Variants in PCDHGA7 observed in about 807,000 individuals in gnomAD.
The protein encoded by PCDHGA7 is protocadherin gamma subfamily A, 7, also known as protocadherin gamma-A7.
A neutral mutation model predicts 58.3 loss-of-function variants in PCDHGA7; 44 were observed. That is an observed-to-expected ratio of 0.75 (90% CI 0.59 to 0.97). The LOEUF is 0.97. Among genes scored for constraint, PCDHGA7 ranks in the 50% least tolerant of loss-of-function variants. The probability of loss-of-function intolerance (pLI) is 0.00; values close to 1 mark genes in which losing one functional copy is unlikely to be tolerated. For synonymous variants in PCDHGA7, 516 were observed against 504.2 expected (o/e 1.02, Z -0.31); for missense variants, 1,266 against 1,188.7 (o/e 1.06, Z -0.96).
chr5:141,395,126 C>T, intron 1 of PCDHGA7: 3 of 1,614,196 alleles, frequency 1.9e-6, no homozygotes, highest in Non-Finnish European at 2.5e-6. Flanking sequence ...TGATCTTTCC[C>T]CAGCCCAACT....
chr5:141,430,763 A>C, intron 1 of PCDHGA7: 1 of 1,506,248 alleles, frequency 6.6e-7, no homozygotes, highest in Non-Finnish European at 8.9e-7. Flanking sequence ...GATAAGAATG[A>C]TTCCTGCGCG....
chr5:141,462,824 A>T (rs1561993844), intron 1 of PCDHGA7, among the ~76,000 whole-genome samples: 1 of 152,158 alleles, frequency 6.6e-6, no homozygotes, highest in Non-Finnish European at 1.5e-5. Flanking sequence ...TGGACAGCAG[A>T]CATTGTAAAT....
chr5:141,400,245 C>T (rs778709619), intron 1 of PCDHGA7: 66 of 1,613,878 alleles, frequency 4.1e-5, no homozygotes, highest in African/African-American at 4.0e-5. Context: ...TGATTCTGGC[C>T]GTTGCCTTGC....
intron 1 of PCDHGA7, chr5:141,410,798 T>C: frequency 1.4e-6 from 1 of 712,186 alleles, no homozygotes; most frequent in Non-Finnish European, 2.1e-6. Flanking sequence ...CATAAGTTGC[T>C]CTATCTTTTT....
In PCDHGA7 at chr5:141,476,499, TC is replaced by T; in HGVS notation, c.2425-18307del. 1 of 1,614,110 alleles carries T rather than the reference TC, an allele frequency of 6.2e-7. No individual in the cohort carries two copies. Among genetic ancestry groups the T allele is most frequent in the Non-Finnish European group, 8.5e-7 (1 of 1,180,020 alleles). ...AGCGTGGAAGTGGTGATCCAGGACATCAACGACAACAATCCTGCTTTCCCTA... is the reference window on the plus strand; with the variant it reads ...AGCGTGGAAGTGGTGATCCAGGACATAACGACAACAATCCTGCTTTCCCTA... On this transcript the variant is annotated intron_variant, in intron 1 of 3. Transcript: ENST00000518325. The surrounding 1 kb of genome is among the most constrained non-coding windows in gnomAD (Gnocchi z 7.6).
intron 1 of PCDHGA7, chr5:141,421,424 G>A: frequency 6.2e-7 from 1 of 1,614,092 alleles, no homozygotes. Context: ...CGCGGAGTCC[G>A]CATCGTCTCC....
At chr5:141,393,307 A>C (rs1394490963) in intron 1 of PCDHGA7, 3 of 1,613,594 alleles carry the variant, frequency 1.9e-6, no homozygotes, top group South Asian at 2.2e-5. Context: ...GTGGGCGTGA[A>C]CTCCCTCCAG....
At chr5:141,461,757 G>A (rs2099022119) in intron 1 of PCDHGA7, among the ~76,000 whole-genome samples, 1 of 151,994 alleles carries the variant, frequency 6.6e-6, no homozygotes, top group Non-Finnish European at 1.5e-5. Context: ...AGATTCAAGC[G>A]ATTCTCCTGC....
Position 141,490,798 on chromosome 5 carries a change from C to A in PCDHGA7, c.2425-4009C>A. 2 of 1,613,926 alleles carry A rather than the reference C, an allele frequency of 1.2e-6. No individual in the cohort carries two copies. Among genetic ancestry groups the A allele is most frequent in the South Asian group, 2.2e-5 (2 of 91,074 alleles). ...AGAGGATGGACGGATCTTTGCCCAG[C>A]GTACCTTTGACTATGAATTGCTGCA... On this transcript the variant is annotated intron_variant, in intron 1 of 3. Transcript: ENST00000518325. This position sits in a 1 kb window ranked among gnomAD's most constrained non-coding sequence, Gnocchi z 5.4.
Position 141,431,072 on chromosome 5 carries a change from A to G in PCDHGA7, c.2424+45749A>G. On this transcript the variant is annotated intron_variant, in intron 1 of 3. Transcript: ENST00000518325. The surrounding 1 kb of genome is among the most constrained non-coding windows in gnomAD (Gnocchi z 4.8). ...TATGGGGGCCATCAAGTGTCAATTA[A>G]ATCTAGACATTCTGATGGAGGATAA... is the stretch of plus-strand genomic sequence containing the variant. 1 of 1,614,220 alleles carries G rather than the reference A, an allele frequency of 6.2e-7. No individual in the cohort carries two copies. Among genetic ancestry groups the G allele is most frequent in the Non-Finnish European group, 8.5e-7 (1 of 1,180,012 alleles).
chr5:141,404,165 T>C, intron 1 of PCDHGA7: 1 of 1,613,246 alleles, frequency 6.2e-7, no homozygotes, highest in South Asian at 1.1e-5. Flanking sequence ...TTACAGATTG[T>C]TGACGGCCCA....
At chr5:141,416,014 A>G (rs1258459397) in intron 1 of PCDHGA7, 1 of 228,504 alleles carries the variant, frequency 4.4e-6, no homozygotes, top group African/African-American at 2.3e-5. Flanking sequence ...AAGAATAGGT[A>G]AGTATCAGAA....
rs941528168 is a variant in PCDHGA7, at chr5:141,476,433, T to C, written c.2425-18374T>C. 2 of 1,614,094 alleles carry C rather than the reference T, an allele frequency of 1.2e-6. No individual in the cohort carries two copies. The highest frequency in any genetic ancestry group is 2.2e-5 in the East Asian group (1 of 44,856). ...TGTGGGACACTGCCCTCTTGCACTGTAACTCTGGAGTTGGTAGTGGAGAAC... is the reference window on the plus strand; with the variant it reads ...TGTGGGACACTGCCCTCTTGCACTGCAACTCTGGAGTTGGTAGTGGAGAAC... On this transcript the variant is annotated intron_variant, in intron 1 of 3. Coordinates refer to ENST00000518325, the MANE Select transcript of PCDHGA7 (RefSeq NM_018920.4). This position sits in a 1 kb window ranked among gnomAD's most constrained non-coding sequence, Gnocchi z 7.6.
At chr5:141,405,038 G>T in intron 1 of PCDHGA7, 1 of 1,613,964 alleles carries the variant, frequency 6.2e-7, no homozygotes, top group Non-Finnish European at 8.5e-7. Flanking sequence ...CCTCGTTGTG[G>T]CTGTGGCAGT....
chr5:141,398,782 C>T (rs763578317), intron 1 of PCDHGA7: 1 of 1,613,908 alleles, frequency 6.2e-7, no homozygotes, highest in Non-Finnish European at 8.5e-7. Context: ...GGACGGTGGA[C>T]ATCCACCCCT....
intron 1 of PCDHGA7, chr5:141,407,979 T>G: frequency 1.3e-6 from 1 of 748,940 alleles, no homozygotes; most frequent in Non-Finnish European, 2.0e-6. Context: ...ACGCCGGGGA[T>G]CCGTCAGCCT....
At position 141,383,947 on chromosome 5, in the gene PCDHGA7, A is replaced by T. The variant is rs757638644; in HGVS notation, c.1048A>T (p.Thr350Ser). 1 of 1,613,788 alleles carries T rather than the reference A, an allele frequency of 6.2e-7. No individual in the cohort carries two copies. Among genetic ancestry groups the T allele is most frequent in the Non-Finnish European group, 8.5e-7 (1 of 1,179,748 alleles). Reference sequence around the variant, plus strand: ...TGATAATGCTCCAGAAGTGACTATGACGTCTTTAAGTAGCTCAATCCCTGA... The same window carrying T: ...TGATAATGCTCCAGAAGTGACTATGTCGTCTTTAAGTAGCTCAATCCCTGA... ...VNDNAPEVTM[T>S]SLSSSIPEDT... Residue 350 changes from threonine (T) to serine (S), a missense_variant, in exon 1 of 4, where the codon ACG becomes TCG. By Grantham distance (58) the Thr-to-Ser change is moderately conservative (BLOSUM62 1). Coordinates refer to ENST00000518325, the MANE Select transcript of PCDHGA7 (RefSeq NM_018920.4).
At chr5:141,418,803 A>G (rs1358411126) in intron 1 of PCDHGA7, 1 of 1,613,894 alleles carries the variant, frequency 6.2e-7, no homozygotes, top group Non-Finnish European at 8.5e-7. Context: ...GTAGAAAGAT[A>G]TACGATAAAC....
At chr5:141,398,936 AC>A in intron 1 of PCDHGA7, 1 of 1,613,962 alleles carries the variant, frequency 6.2e-7, no homozygotes, top group East Asian at 2.2e-5. Context: ...ACTGACCAAG[AC>A]GAGGGCATCA....
Sources: allele counts gnomAD v4.1 joint callset (sites outside exome capture counted in the v4.1 genomes callset), GRCh38; gene constraint gnomAD v4.1.1; non-coding constraint Gnocchi (gnomAD v3.1); transcripts MANE v1.5; gene names NCBI Gene and HGNC (gene_info 2026-07-23, HGNC 2026-07-21).